Variants in ZSWIM6 observed in about 807,000 individuals in gnomAD.
ZSWIM6 encodes zinc finger SWIM domain-containing protein 6.
Under a neutral mutation model 113.2 loss-of-function variants are expected in ZSWIM6, and 9 were observed. The ratio of observed to expected loss-of-function variants is 0.08; its 90% CI spans 0.05 to 0.14. The LOEUF is 0.14. Among genes scored for constraint, ZSWIM6 ranks in the 10% least tolerant of loss-of-function variants. The pLI is 1.00. For synonymous variants in ZSWIM6, 611 were observed against 606.5 expected (o/e 1.01, Z -0.11); for missense variants, 1,162 against 1,552.2 (o/e 0.75, Z 4.22).
intron 1 of ZSWIM6, among the ~76,000 whole-genome samples, chr5:61,421,903 G>A (rs1203330469): frequency 1.3e-5 from 2 of 151,928 alleles, no homozygotes; most frequent in Non-Finnish European, 2.9e-5. Flanking sequence ...TTTTTTAATC[G>A]ATTAGATTTT....
At chr5:61,532,493 T>C (rs1213663069) in intron 9 of ZSWIM6, among the ~76,000 whole-genome samples, 1 of 152,204 alleles carries the variant, frequency 6.6e-6, no homozygotes, top group Non-Finnish European at 1.5e-5. Context: ...TGTGTTATTA[T>C]GGGATTCTCT....
chr5:61,525,766 G>A lies in ZSWIM6; in HGVS notation c.1514-34G>A, dbSNP rs1452754899. Reference sequence around the variant, plus strand: ...CTGATTTATTCACATGTGAATAATAGCTGACACGGCTTTCTGAATTGTGGA... The same window carrying A: ...CTGATTTATTCACATGTGAATAATAACTGACACGGCTTTCTGAATTGTGGA... On this transcript the variant is annotated intron_variant, in intron 5 of 13. Coordinates refer to ENST00000252744, the MANE Select transcript of ZSWIM6 (RefSeq NM_020928.2). 2.3e-5 allele frequency: 36 copies of A among 1,550,016 alleles called. No individual in the cohort carries two copies. In the East Asian group the frequency reaches 8.8e-4, roughly 38 times the overall value.
In ZSWIM6 at chr5:61,390,636, G is replaced by C. The variant is rs1253606794; in HGVS notation, c.676+57688G>C. The stretch of plus-strand genomic sequence containing the variant: ...TTTTCCAGTGGAAAATAACTTTTAA[G>C]ACCCCACCAGCTGCAAAAACTGTTC... On this transcript the variant is annotated intron_variant, in intron 1 of 13. Coordinates refer to ENST00000252744, the MANE Select transcript of ZSWIM6 (RefSeq NM_020928.2). 4.0e-6 allele frequency: 3 copies of C among 755,582 alleles called. No homozygotes were observed. The African/African-American group carries it at 5.2e-5, about 13-fold the overall frequency. The allele number at this position is 755,582 out of a possible 1,614,324, so 46.8% of individuals were successfully genotyped here.
intron 1 of ZSWIM6, among the ~76,000 whole-genome samples, chr5:61,430,606 A>T (rs1268540078): frequency 1.3e-5 from 2 of 152,104 alleles, no homozygotes; most frequent in Non-Finnish European, 2.9e-5. Flanking sequence ...AAAATACAGC[A>T]TATGGGGGTT....
intron 7 of ZSWIM6, among the ~76,000 whole-genome samples, chr5:61,528,877 CACG>C (rs1201941744): frequency 1.3e-5 from 2 of 152,216 alleles, no homozygotes; most frequent in African/African-American, 4.8e-5. Flanking sequence ...CGTGAGCCAC[CACG>C]CTGGCCTGTC....
chr5:61,539,995 T>TA (rs141083807), intron 12 of ZSWIM6, among the ~76,000 whole-genome samples: 2 of 152,160 alleles, frequency 1.3e-5, no homozygotes, highest in South Asian at 4.2e-4. Flanking sequence ...GTCTTTCAAT[T>TA]AAAAAAAATC....
chr5:61,477,402 C>T (rs7714457), intron 2 of ZSWIM6, among the ~76,000 whole-genome samples: 57,234 of 152,054 alleles, frequency 0.38, 10,936 homozygotes, highest in South Asian at 0.43. Context: ...AGGGTTGGCA[C>T]ATGACATCTA....
rs1216274967 is a variant in ZSWIM6 at position 61,490,787 on chromosome 5, T to G, written c.1035T>G (p.Gly345=). The change falls in exon 3 of 14, where the codon GGT becomes GGG. Residue 345 remains glycine, a splice_region_variant and synonymous_variant. Transcript: ENST00000252744. ...SQNSEINQVH[G]APDPTAGASI... The stretch of plus-strand genomic sequence containing the variant: ...TATTATTTTTCTTTCTATTTCTAGG[T>G]GCTCCTGATCCAACAGCAGGTGCTA... 6.5e-7 allele frequency: 1 copy of G among 1,545,218 alleles called. No homozygotes were observed.
intron 2 of ZSWIM6, among the ~76,000 whole-genome samples, chr5:61,473,836 T>C (rs1747641064): frequency 6.6e-6 from 1 of 152,210 alleles, no homozygotes; most frequent in Non-Finnish European, 1.5e-5. Flanking sequence ...CATTTCTTTA[T>C]TTATATTGAT....
At chr5:61,447,152 A>G (rs1189900223) in intron 1 of ZSWIM6, among the ~76,000 whole-genome samples, 6 of 152,142 alleles carry the variant, frequency 3.9e-5, no homozygotes. Context: ...GCCTGGATAC[A>G]TGGAACTCCA....
intron 2 of ZSWIM6, among the ~76,000 whole-genome samples, chr5:61,474,602 C>T (rs552233085): frequency 2.0e-5 from 3 of 152,220 alleles, no homozygotes; most frequent in African/African-American, 4.8e-5. Flanking sequence ...CTGATTCACA[C>T]GTCACAACAT....
At chr5:61,356,339 A>G (rs1441759953) in intron 1 of ZSWIM6, among the ~76,000 whole-genome samples, 1 of 152,178 alleles carries the variant, frequency 6.6e-6, no homozygotes, top group African/African-American at 2.4e-5. Context: ...CAGAAGAACC[A>G]TCTGCCAATT....
intron 4 of ZSWIM6, among the ~76,000 whole-genome samples, chr5:61,498,353 T>G (rs1370104666): frequency 6.6e-6 from 1 of 152,210 alleles, no homozygotes; most frequent in Non-Finnish European, 1.5e-5. Flanking sequence ...TGCAAGAGCC[T>G]TGCTGCACTG....
At chr5:61,431,721 G>A (rs896275496) in intron 1 of ZSWIM6, among the ~76,000 whole-genome samples, 5 of 151,912 alleles carry the variant, frequency 3.3e-5, no homozygotes, top group Non-Finnish European at 5.9e-5. Flanking sequence ...CTCCAGCCTG[G>A]GCGACAGAGT....
intron 1 of ZSWIM6, among the ~76,000 whole-genome samples, chr5:61,336,865 G>A (rs1744410252): frequency 6.6e-6 from 1 of 152,176 alleles, no homozygotes; most frequent in Non-Finnish European, 1.5e-5. Context: ...AAGGTTGGTA[G>A]AAAACTTACA....
At chr5:61,506,026 G>A (rs148999737) in intron 4 of ZSWIM6, among the ~76,000 whole-genome samples, 5 of 151,984 alleles carry the variant, frequency 3.3e-5, no homozygotes, top group East Asian at 2.0e-4. Context: ...GATTACAGGC[G>A]TGAGCCACTG....
At chr5:61,389,126 A>G (rs1745648275) in intron 1 of ZSWIM6, among the ~76,000 whole-genome samples, 1 of 151,910 alleles carries the variant, frequency 6.6e-6, no homozygotes, top group South Asian at 2.1e-4. Flanking sequence ...CTTTGAGGGC[A>G]CTCTGTAGGG....
chr5:61,436,350 T>C (rs551024508), intron 1 of ZSWIM6, among the ~76,000 whole-genome samples: 1 of 152,280 alleles, frequency 6.6e-6, no homozygotes, highest in African/African-American at 2.4e-5. Flanking sequence ...TTAGAAAATA[T>C]TTCCTTCACT....
intron 1 of ZSWIM6, among the ~76,000 whole-genome samples, chr5:61,437,209 G>C (rs73107447): frequency 0.012 from 1,845 of 152,300 alleles, 36 homozygotes; most frequent in African/African-American, 0.041. Flanking sequence ...ACATGTACTT[G>C]TGGGTTTGTT....
Sources: allele counts gnomAD v4.1 joint callset (sites outside exome capture counted in the v4.1 genomes callset), GRCh38; gene constraint gnomAD v4.1.1; transcripts MANE v1.5; gene names NCBI Gene and HGNC (gene_info 2026-07-23, HGNC 2026-07-21).